The following MAN1A2 variants were observed in gnomAD, a reference collection of about 807,000 sequenced individuals.
MAN1A2 encodes mannosyl-oligosaccharide 1,2-alpha-mannosidase IB.
In MAN1A2, 26 loss-of-function variants were observed where a neutral mutation model predicts 75.7. That is an observed-to-expected ratio of 0.34 (90% CI 0.25 to 0.48). The LOEUF is 0.48. Among genes scored for constraint, MAN1A2 ranks in the 20% least tolerant of loss-of-function variants. The pLI is 0.99. For missense variants in MAN1A2, 562 were observed against 775.5 expected, an observed-to-expected ratio of 0.72 and a Z score of 3.27; for synonymous variants, 247 against 264.6, an observed-to-expected ratio of 0.93 and a Z score of 0.65.
At chr1:117,446,486 TTTG>T (rs1270134350) in intron 6 of MAN1A2, among the ~76,000 whole-genome samples, 1 of 152,136 alleles carries the variant, frequency 6.6e-6, no homozygotes, top group East Asian at 1.9e-4. Flanking sequence ...TTTGATTTTT[TTTG>T]TTATTATTCA....
chr1:117,429,425 C>T (rs1223254169), intron 5 of MAN1A2, among the ~76,000 whole-genome samples: 76 of 118,348 alleles, frequency 6.4e-4, no homozygotes, highest in East Asian at 7.3e-4. Context: ...GCTGGCCGGG[C>T]AGGGGGGCTG....
intron 5 of MAN1A2, among the ~76,000 whole-genome samples, chr1:117,431,590 T>C (rs975960342): frequency 1.1e-4 from 16 of 152,186 alleles, no homozygotes; most frequent in African/African-American, 3.1e-4. Flanking sequence ...ACATGGTATG[T>C]TTACCAAAAA....
chr1:117,405,609 C>T lies in MAN1A2; in HGVS notation c.619C>T (p.Pro207Ser). Residue 207 changes from proline to serine, a missense_variant, in exon 3 of 13, where the codon CCT (proline) becomes TCT (serine). By Grantham distance (74) the Pro-to-Ser change is moderately conservative. Transcript: ENST00000356554. ...TGGGTGGGGACATAATGAACTCAGA[C>T]CTATTGCAAGGAAAGGACACTCCCC... ...TYGWGHNELR[P>S]IARKGHSPNI... 1 of 1,608,476 alleles carries T rather than the reference C, an allele frequency of 6.2e-7. No individual in the cohort carries two copies. Among genetic ancestry groups the T allele is most frequent in the East Asian group, 2.2e-5 (1 of 44,744 alleles).
chr1:117,392,633 T>G (rs1271067142), intron 1 of MAN1A2, among the ~76,000 whole-genome samples: 1 of 152,218 alleles, frequency 6.6e-6, no homozygotes, highest in Admixed American at 6.5e-5. Flanking sequence ...TGAAATTACT[T>G]GAATGACAGA....
At chr1:117,391,863 G>C (rs1237815190) in intron 1 of MAN1A2, among the ~76,000 whole-genome samples, 4 of 152,140 alleles carry the variant, frequency 2.6e-5, no homozygotes, top group African/African-American at 9.7e-5. Flanking sequence ...TATCCAGTCA[G>C]TATTGTGAAA....
intron 12 of MAN1A2, chr1:117,515,379 C>G (rs1459130329): frequency 6.6e-6 from 1 of 152,008 alleles, no homozygotes; most frequent in African/African-American, 2.4e-5. Context: ...AACCAATCCC[C>G]CATAGATACT....
chr1:117,484,750 T>C (rs35877767), intron 8 of MAN1A2, among the ~76,000 whole-genome samples: 20,322 of 152,032 alleles, frequency 0.13, 1,534 homozygotes, highest in Admixed American at 0.22. Context: ...GCACCATGTA[T>C]GTCTGTGTAT....
chr1:117,497,154 G>A (rs966540389), intron 10 of MAN1A2, among the ~76,000 whole-genome samples, 172 bp downstream of exon 10: 1 of 151,850 alleles, frequency 6.6e-6, no homozygotes, highest in African/African-American at 2.4e-5. Flanking sequence ...ATGTGTCTCT[G>A]CATTATTTTT....
chr1:117,370,615 C>T (rs1400940633), intron 1 of MAN1A2, among the ~76,000 whole-genome samples: 1 of 152,090 alleles, frequency 6.6e-6, no homozygotes, highest in African/African-American at 2.4e-5. Flanking sequence ...TAAACATTAA[C>T]TTATTTAAAA....
intron 5 of MAN1A2, among the ~76,000 whole-genome samples, chr1:117,432,501 A>G (rs931356007): frequency 1.3e-5 from 2 of 152,242 alleles, no homozygotes; most frequent in African/African-American, 4.8e-5. Flanking sequence ...TATTATAAGC[A>G]GTTTTTTTGC....
intron 1 of MAN1A2, among the ~76,000 whole-genome samples, chr1:117,392,971 G>T (rs1461101287): frequency 6.6e-6 from 1 of 152,168 alleles, no homozygotes; most frequent in East Asian, 1.9e-4. Context: ...AATTCATATT[G>T]AGAAACAGTT....
intron 8 of MAN1A2, among the ~76,000 whole-genome samples, chr1:117,471,244 TATTTA>T (rs1193130298): frequency 1.3e-5 from 2 of 151,920 alleles, no homozygotes; most frequent in Non-Finnish European, 2.9e-5. Context: ...TTAGATAATT[TATTTA>T]ACTTCTCTAT....
At chr1:117,516,971 A>G (rs1269770148) in intron 12 of MAN1A2, among the ~76,000 whole-genome samples, 1 of 152,138 alleles carries the variant, frequency 6.6e-6, no homozygotes, top group Non-Finnish European at 1.5e-5. Flanking sequence ...TAAAGGCAGC[A>G]GTTTCTGGCA....
At chr1:117,439,519 A>T (rs1475235750) in intron 5 of MAN1A2, among the ~76,000 whole-genome samples, 1 of 151,156 alleles carries the variant, frequency 6.6e-6, no homozygotes, top group South Asian at 2.1e-4. Flanking sequence ...TTGGAGACAG[A>T]GTCTTGCTCT....
intron 5 of MAN1A2, among the ~76,000 whole-genome samples, chr1:117,434,747 CTGTGTGTGTGTGTGTGTGTG>C (rs61681259): frequency 0.019 from 2,577 of 135,418 alleles, 36 homozygotes; most frequent in Middle Eastern, 0.059. Context: ...TTGGTTACAG[CTGTGTGTGTGTGTGTGTGTG>C]TGTGTGTGTG....
At chr1:117,451,242 A>G (rs1649406877) in intron 6 of MAN1A2, among the ~76,000 whole-genome samples, 1 of 152,234 alleles carries the variant, frequency 6.6e-6, no homozygotes, top group Non-Finnish European at 1.5e-5. Context: ...AATGGATTTC[A>G]GACTTGCATG....
intron 2 of MAN1A2, among the ~76,000 whole-genome samples, chr1:117,403,363 C>A (rs1463416739): frequency 1.3e-5 from 2 of 152,164 alleles, no homozygotes; most frequent in African/African-American, 2.4e-5. Context: ...CCTCTAGAGT[C>A]TGTTTTATAT....
At chr1:117,417,990 G>A (rs1300495691) in intron 4 of MAN1A2, among the ~76,000 whole-genome samples, 1 of 151,908 alleles carries the variant, frequency 6.6e-6, no homozygotes, top group African/African-American at 2.4e-5. Flanking sequence ...AGGCTACAGG[G>A]AGCCATGATC....
intron 12 of MAN1A2, among the ~76,000 whole-genome samples, chr1:117,507,883 C>T (rs1651421761): frequency 6.6e-6 from 1 of 151,626 alleles, no homozygotes; most frequent in Non-Finnish European, 1.5e-5. Flanking sequence ...TTGTCTTATT[C>T]ATTGGATTCA....
Sources: gnomAD v4.1 joint callset for allele counts (sites outside exome capture counted in the v4.1 genomes callset) on GRCh38, gnomAD v4.1.1 for gene constraint, MANE v1.5 for transcripts, NCBI Gene and HGNC (gene_info 2026-07-23, HGNC 2026-07-21) for gene names.